PHKB: variants seen among roughly 807,000 people sequenced by gnomAD.
The protein encoded by PHKB is phosphorylase b kinase regulatory subunit beta.
Under a neutral mutation model 152.1 loss-of-function variants are expected in PHKB, and 122 were observed. That is an observed-to-expected ratio of 0.80 (90% confidence interval 0.69 to 0.93). The LOEUF (loss-of-function observed/expected upper bound fraction) is 0.93, where lower values mean the gene tolerates loss of function less well. Among genes scored for constraint, PHKB ranks in the 40% least tolerant of loss-of-function variants. The pLI is 0.00. For synonymous variants in PHKB, 436 were observed against 464.9 expected, an observed-to-expected ratio of 0.94 and a Z score of 0.80; for missense variants, 1,304 against 1,328.4, an observed-to-expected ratio of 0.98 and a Z score of 0.29.
At chr16:47,505,675 C>T (rs1329105214) in intron 4 of PHKB, 1 of 152,136 alleles carries the variant, frequency 6.6e-6, no homozygotes, top group African/African-American at 2.4e-5. Context: ...ACTTTGCAGG[C>T]AGTTTTGATC....
Position 47,596,307 on chromosome 16 carries a change from T to C in PHKB, c.1205-66T>C. On this transcript the variant is annotated intron_variant, in intron 12 of 30. Transcript: ENST00000323584. ...TACCCAGTCTTGGGTATATCTTTAT[T>C]AGTAGCATGAGAATGGACTAATACA... 4 of 1,126,318 alleles carry C rather than the reference T, an allele frequency of 3.6e-6. No homozygotes were observed. The South Asian group carries it at 5.2e-5, about 15-fold the overall frequency. The allele number at this position is 1,126,318 out of a possible 1,614,324, so 69.8% of individuals were successfully genotyped here. A position where few individuals can be genotyped will look rare whatever the true frequency, so the allele number is the denominator to read the frequency against.
chr16:47,659,070 C>T (rs573617617), intron 20 of PHKB, among the ~76,000 whole-genome samples: 2 of 152,322 alleles, frequency 1.3e-5, no homozygotes, highest in South Asian at 4.1e-4. Flanking sequence ...TGCCTAGGCA[C>T]AGACCCTGCT....
chr16:47,659,627 C>T (rs185893105), intron 20 of PHKB, among the ~76,000 whole-genome samples: 1 of 152,128 alleles, frequency 6.6e-6, no homozygotes, highest in Non-Finnish European at 1.5e-5. Flanking sequence ...TAATCAGAAA[C>T]TTATGGAAAA....
chr16:47,484,306 T>G (rs1018891599), intron 1 of PHKB, among the ~76,000 whole-genome samples: 1 of 152,246 alleles, frequency 6.6e-6, no homozygotes, highest in Non-Finnish European at 1.5e-5. Context: ...AGGCAAATTT[T>G]GCTTCCTTTT....
chr16:47,467,815 C>T (rs768782030), intron 1 of PHKB, among the ~76,000 whole-genome samples: 6 of 152,132 alleles, frequency 3.9e-5, no homozygotes, highest in Non-Finnish European at 8.8e-5. Flanking sequence ...ATTCTAAAAG[C>T]GATTTTCCTT....
At chr16:47,528,178 T>G (rs1970799395) in intron 6 of PHKB, among the ~76,000 whole-genome samples, 1 of 152,216 alleles carries the variant, frequency 6.6e-6, no homozygotes, top group Non-Finnish European at 1.5e-5. Context: ...TGTGAGAAAT[T>G]AAATACTAAA....
chr16:47,513,423 G>T (rs968632089), intron 5 of PHKB, among the ~76,000 whole-genome samples: 2 of 152,178 alleles, frequency 1.3e-5, no homozygotes, highest in African/African-American at 2.4e-5. Flanking sequence ...TAAAATGTTA[G>T]TGTAAGTCTA....
intron 7 of PHKB, among the ~76,000 whole-genome samples, chr16:47,575,528 A>T (rs1307878698): frequency 6.6e-6 from 1 of 152,372 alleles, no homozygotes; most frequent in East Asian, 1.9e-4. Context: ...CATAAAATGA[A>T]TGAAATCACA....
chr16:47,564,394 C>T (rs776151822), intron 7 of PHKB, among the ~76,000 whole-genome samples: 16 of 152,104 alleles, frequency 1.1e-4, no homozygotes, highest in Non-Finnish European at 2.1e-4. Flanking sequence ...AGGTATCTCA[C>T]TGTGGTTTTA....
intron 26 of PHKB, among the ~76,000 whole-genome samples, chr16:47,671,509 T>G (rs1432174916): frequency 6.6e-6 from 1 of 152,228 alleles, no homozygotes; most frequent in Non-Finnish European, 1.5e-5. Flanking sequence ...TGCTTTCTTA[T>G]AACTTTTTTC....
At chr16:47,565,487 G>A in intron 7 of PHKB, 2 of 1,395,446 alleles carry the variant, frequency 1.4e-6, no homozygotes, top group Non-Finnish European at 2.0e-6. Context: ...TTTGGTGGAG[G>A]GGCTGGCATT....
intron 1 of PHKB, among the ~76,000 whole-genome samples, chr16:47,471,180 G>A (rs1259124596): frequency 6.6e-6 from 1 of 152,188 alleles, no homozygotes; most frequent in Non-Finnish European, 1.5e-5. Flanking sequence ...AATCAGTGGA[G>A]AAGTTGGGGT....
At chr16:47,594,723 G>GC (rs1488086625) in intron 12 of PHKB, among the ~76,000 whole-genome samples, 1 of 152,120 alleles carries the variant, frequency 6.6e-6, no homozygotes, top group Non-Finnish European at 1.5e-5. Context: ...TGGTCAGAAG[G>GC]CCCAGTCTTA....
chr16:47,661,142 G>A (rs1973436893), intron 22 of PHKB, among the ~76,000 whole-genome samples: 2 of 152,034 alleles, frequency 1.3e-5, no homozygotes, highest in South Asian at 4.1e-4. Flanking sequence ...CTCCCTTTCT[G>A]CCCCCATCTT....
intron 26 of PHKB, among the ~76,000 whole-genome samples, chr16:47,670,992 C>G (rs2142081265): frequency 6.6e-6 from 1 of 152,260 alleles, no homozygotes; most frequent in South Asian, 2.1e-4. Context: ...TCTTACTTCA[C>G]CCATACCCCC....
intron 6 of PHKB, among the ~76,000 whole-genome samples, chr16:47,532,186 C>G (rs1001758796): frequency 6.6e-6 from 1 of 152,230 alleles, no homozygotes; most frequent in Non-Finnish European, 1.5e-5. Flanking sequence ...GATAACCCTA[C>G]TTATCAGTGA....
intron 6 of PHKB, among the ~76,000 whole-genome samples, chr16:47,521,857 T>G (rs892433906): frequency 1.3e-5 from 2 of 152,182 alleles, no homozygotes; most frequent in Non-Finnish European, 2.9e-5. Context: ...TATATACTAC[T>G]TCATTGATTG....
chr16:47,563,809 C>T (rs2541578), intron 7 of PHKB, among the ~76,000 whole-genome samples: 2 of 152,088 alleles, frequency 1.3e-5, no homozygotes, highest in Non-Finnish European at 2.9e-5. Flanking sequence ...TCAGCCCCCT[C>T]TCACCCTCCA....
chr16:47,699,357 G>A lies in PHKB; in HGVS notation c.3273G>A (p.Leu1091=), dbSNP rs1974209926. 2 of 1,614,044 alleles carry A rather than the reference G, an allele frequency of 1.2e-6. No individual in the cohort carries two copies. Among genetic ancestry groups the A allele is most frequent in the Non-Finnish European group, 1.7e-6 (2 of 1,180,016 alleles). ...AGCCAAACAATGATGACCCGTGTCTGATTAGCTAGTGGGGAAGGTGTAGGA... is the reference window on the plus strand; with the variant it reads ...AGCCAAACAATGATGACCCGTGTCTAATTAGCTAGTGGGGAAGGTGTAGGA... ...EVKPNNDDPC[L]IS Residue 1091 remains leucine, a synonymous_variant, in exon 31 of 31, where the codon CTG becomes CTA. Transcript: ENST00000323584.
Sources: allele counts gnomAD v4.1 joint callset (sites outside exome capture counted in the v4.1 genomes callset), GRCh38; gene constraint gnomAD v4.1.1; transcripts MANE v1.5; gene names NCBI Gene and HGNC (gene_info 2026-07-23, HGNC 2026-07-21).